COG7: variants seen among roughly 807,000 people sequenced by gnomAD.
COG7 encodes component of oligomeric golgi complex 7, also known as conserved oligomeric Golgi complex subunit 7.
COG7 carries 49 observed loss-of-function variants against 91.5 expected under a neutral mutation model. The ratio of observed to expected loss-of-function variants is 0.54; its 90% CI spans 0.43 to 0.68. The LOEUF (loss-of-function observed/expected upper bound fraction) is 0.68, where lower values mean the gene tolerates loss of function less well. Ranked by LOEUF, COG7 falls within the 30% of genes least tolerant of loss-of-function variation. COG7 has a pLI of 0.00. For synonymous variants in COG7, 365 were observed against 388.7 expected, an observed-to-expected ratio of 0.94 and a Z score of 0.72; for missense variants, 895 against 961.3, an observed-to-expected ratio of 0.93 and a Z score of 0.91.
chr16:23,430,994 T>C (rs1052786076), intron 6 of COG7, among the ~76,000 whole-genome samples: 1 of 151,798 alleles, frequency 6.6e-6, no homozygotes, highest in African/African-American at 2.4e-5. Context: ...TGAGACCCCA[T>C]CTCTGTTTAA....
intron 13 of COG7, among the ~76,000 whole-genome samples, chr16:23,398,512 G>A (rs958837457): frequency 2.0e-5 from 3 of 152,164 alleles, no homozygotes; most frequent in East Asian, 1.9e-4. Flanking sequence ...GGTGCTGGGT[G>A]CAGACAGCCT....
At chr16:23,433,121 T>G (rs1963959292) in intron 6 of COG7, among the ~76,000 whole-genome samples, 1 of 152,196 alleles carries the variant, frequency 6.6e-6, no homozygotes, top group African/African-American at 2.4e-5. Flanking sequence ...TTTGTTTGTT[T>G]GAGACAGTCT....
Position 23,403,573 on chromosome 16 carries a change from G to T in COG7, c.1803+121C>A, listed in dbSNP as rs1315507418. The T allele has an allele frequency of 1.0e-4, 128 of 1,275,146 alleles. No individual in the cohort carries two copies. In the East Asian group the frequency reaches 2.9e-3, roughly 29 times the overall value. 79.0% of individuals were successfully genotyped at this position (1,275,146 alleles called of 1,614,324 possible). The stretch of plus-strand genomic sequence containing the variant: ...ATTGGAAAGTGGCTCTTTCCGGCTT[G>T]GGAAAGTTAAAGCGGGATCTTCCCA... On this transcript the variant is annotated intron_variant, in intron 13 of 16. Transcript: ENST00000307149.
At chr16:23,416,748 C>T (rs1429919128) in intron 9 of COG7, 1 of 598,092 alleles carries the variant, frequency 1.7e-6, no homozygotes, top group African/African-American at 1.8e-5. Flanking sequence ...GAATATGTCA[C>T]ATCTTAAGTA....
chr16:23,411,882 C>CTTTTTTTT (rs1230807496), intron 10 of COG7, among the ~76,000 whole-genome samples: 1 of 137,760 alleles, frequency 7.3e-6, no homozygotes, highest in African/African-American at 2.7e-5. Flanking sequence ...TTCCAGATTG[C>CTTTTTTTT]TTTTTTTTTT....
Position 23,452,808 on chromosome 16 carries a change from G to C in COG7, c.169+18C>G. ...AGAGCAGGGGAGGGTCCCGCGGCCAGGGCCCCGAGCGGCTCACCCTCCACG... is the reference window on the plus strand; with the variant it reads ...AGAGCAGGGGAGGGTCCCGCGGCCACGGCCCCGAGCGGCTCACCCTCCACG... On this transcript the variant is annotated intron_variant, in intron 1 of 16. Transcript: ENST00000307149. 2 of 1,601,948 alleles carry C rather than the reference G, an allele frequency of 1.2e-6. No individual in the cohort carries two copies. Among genetic ancestry groups the C allele is most frequent in the South Asian group, 1.1e-5 (1 of 89,800 alleles).
chr16:23,407,614 G>C (rs1271020504), intron 11 of COG7, among the ~76,000 whole-genome samples: 1 of 152,198 alleles, frequency 6.6e-6, no homozygotes, highest in Admixed American at 6.5e-5. Flanking sequence ...TCTTGCTTCT[G>C]TTCTGCATTT....
intron 13 of COG7, 28 bp from the exon 14 acceptor site, chr16:23,398,157 A>C (rs756505824): frequency 1.3e-6 from 2 of 1,584,028 alleles, no homozygotes; most frequent in Non-Finnish European, 1.7e-6. Flanking sequence ...GGACACAATC[A>C]GTACCTAGCA....
intron 7 of COG7, among the ~76,000 whole-genome samples, chr16:23,421,406 CTT>C (rs1963753847): frequency 6.7e-6 from 1 of 150,236 alleles, no homozygotes; most frequent in Non-Finnish European, 1.5e-5. Context: ...ATCATTAATT[CTT>C]ATAATACATA....
chr16:23,452,040 C>T (rs184527287), intron 1 of COG7, among the ~76,000 whole-genome samples: 2 of 152,254 alleles, frequency 1.3e-5, no homozygotes, highest in East Asian at 3.9e-4. Context: ...GGGCTCTTGA[C>T]TCTGAGATTC....
chr16:23,406,832 A>G (rs1011813070), intron 11 of COG7, among the ~76,000 whole-genome samples: 1 of 152,206 alleles, frequency 6.6e-6, no homozygotes, highest in Non-Finnish European at 1.5e-5. Flanking sequence ...AGAGAGATCT[A>G]TTGAGGCTGG....
At chr16:23,413,110 A>C (rs1169987164) in intron 10 of COG7, 1 of 323,046 alleles carries the variant, frequency 3.1e-6, no homozygotes, top group Non-Finnish European at 5.9e-6. Flanking sequence ...TTTCTAATAC[A>C]TAAGCCCTAA....
chr16:23,395,810 A>G (rs1461906369), intron 14 of COG7, among the ~76,000 whole-genome samples: 2 of 152,182 alleles, frequency 1.3e-5, no homozygotes, highest in African/African-American at 4.8e-5. Flanking sequence ...GGGTTAACTC[A>G]CTGACTTGGG....
intron 4 of COG7, among the ~76,000 whole-genome samples, chr16:23,439,406 G>C (rs962612752): frequency 6.6e-6 from 1 of 151,408 alleles, no homozygotes; most frequent in Non-Finnish European, 1.5e-5. Flanking sequence ...ACAGACACTT[G>C]TACACCCATG....
chr16:23,409,486 C>T (rs1402019699), intron 11 of COG7, among the ~76,000 whole-genome samples: 1 of 152,034 alleles, frequency 6.6e-6, no homozygotes, highest in Non-Finnish European at 1.5e-5. Flanking sequence ...CACTTTGTAC[C>T]ACCACTAAAA....
At chr16:23,434,954 T>C (rs2142088525) in intron 4 of COG7, among the ~76,000 whole-genome samples, 1 of 152,340 alleles carries the variant, frequency 6.6e-6, no homozygotes, top group South Asian at 2.1e-4. Flanking sequence ...AACATGATAC[T>C]GAGAGGTTAT....
intron 6 of COG7, among the ~76,000 whole-genome samples, chr16:23,428,553 A>G (rs1265866277): frequency 6.6e-6 from 1 of 152,096 alleles, no homozygotes; most frequent in African/African-American, 2.4e-5. Flanking sequence ...AGATACTACT[A>G]CACACCCACC....
intron 9 of COG7, chr16:23,415,517 T>G (rs1195082373): frequency 1.3e-5 from 2 of 152,188 alleles, no homozygotes; most frequent in Non-Finnish European, 2.9e-5. Flanking sequence ...AATACACATT[T>G]CCAATTGTCA....
chr16:23,420,010 C>T (rs1963728558), intron 7 of COG7, among the ~76,000 whole-genome samples: 1 of 151,916 alleles, frequency 6.6e-6, no homozygotes, highest in South Asian at 2.1e-4. Flanking sequence ...GGCATGGTAG[C>T]ATGCATCTGT....
Sources: allele counts gnomAD v4.1 joint callset (sites outside exome capture counted in the v4.1 genomes callset), GRCh38; gene constraint gnomAD v4.1.1; transcripts MANE v1.5; gene names NCBI Gene and HGNC (gene_info 2026-07-23, HGNC 2026-07-21).